Variants in FGF7 observed in about 807,000 individuals in gnomAD.
FGF7 encodes FGF-7.
In FGF7, 6 loss-of-function variants were observed where a neutral mutation model predicts 20.5. That is an observed-to-expected ratio of 0.29 (90% CI 0.16 to 0.58). The LOEUF (loss-of-function observed/expected upper bound fraction) is 0.58, where lower values mean the gene tolerates loss of function less well. Among genes scored for constraint, FGF7 ranks in the 20% least tolerant of loss-of-function variants. The pLI is 0.90. For missense variants in FGF7, 144 were observed against 228.8 expected, an observed-to-expected ratio of 0.63 and a Z score of 2.39; for synonymous variants, 64 against 74.7, an observed-to-expected ratio of 0.86 and a Z score of 0.74.
At chr15:49,480,180 A>G (rs1410046856) in intron 2 of FGF7, among the ~76,000 whole-genome samples, 8 of 152,226 alleles carry the variant, frequency 5.3e-5, no homozygotes, top group Admixed American at 4.6e-4. Context: ...TAAATATGTC[A>G]AGCAATTAAG....
chr15:49,465,621 C>G (rs2054202306), intron 2 of FGF7, among the ~76,000 whole-genome samples: 1 of 151,962 alleles, frequency 6.6e-6, no homozygotes. Context: ...ATTGAAAAAC[C>G]AGAGATATTT....
rs1171909235 is a variant in FGF7 at position 49,424,544 on chromosome 15, G to A, written c.247G>A (p.Gly83Ser). ...GTGGTACCTGAGGATCGATAAAAGA[G>A]GCAAAGTAAAAGGGACCCAAGAGAT... ...TQWYLRIDKR[G>S]KVKGTQEMKN... The change falls in exon 2 of 4, where the codon GGC becomes AGC. Residue 83 changes from glycine to serine, a missense_variant. Around this residue, in one of 2 missense-constraint regions of FGF7, gnomAD observed 88 missense variants for 103.4 expected, o/e 0.85. Coordinates refer to ENST00000267843, the MANE Select transcript of FGF7 (RefSeq NM_002009.4). The A allele has an allele frequency of 6.2e-7, 1 of 1,604,850 alleles. No homozygotes were observed. Among genetic ancestry groups the A allele is most frequent in the Admixed American group, 1.7e-5 (1 of 59,322 alleles).
chr15:49,470,877 C>T (rs1164118585), intron 2 of FGF7, among the ~76,000 whole-genome samples: 2 of 152,134 alleles, frequency 1.3e-5, no homozygotes, highest in Non-Finnish European at 2.9e-5. Flanking sequence ...AGAAATACAT[C>T]CAAGAACTCA....
At chr15:49,460,495 T>C (rs2053692218) in intron 2 of FGF7, among the ~76,000 whole-genome samples, 1 of 152,186 alleles carries the variant, frequency 6.6e-6, no homozygotes, top group South Asian at 2.1e-4. Context: ...GTACCAGGAT[T>C]CTTTTTGAAG....
intron 2 of FGF7, among the ~76,000 whole-genome samples, chr15:49,442,598 A>G (rs2051771537): frequency 6.6e-6 from 1 of 151,592 alleles, no homozygotes; most frequent in African/African-American, 2.4e-5. Context: ...CTCCCATCTC[A>G]GCATTAGAAT....
chr15:49,480,257 C>T (rs2055808621), intron 2 of FGF7, among the ~76,000 whole-genome samples: 1 of 151,886 alleles, frequency 6.6e-6, no homozygotes, highest in Non-Finnish European at 1.5e-5. Context: ...TATCCTTAAC[C>T]CTAATATGTG....
At chr15:49,469,510 A>G (rs2054548618) in intron 2 of FGF7, among the ~76,000 whole-genome samples, 1 of 152,124 alleles carries the variant, frequency 6.6e-6, no homozygotes, top group South Asian at 2.1e-4. Context: ...TCCCTTTCTT[A>G]GAGTCAGAAC....
At chr15:49,426,167 C>T (rs967600273) in intron 2 of FGF7, among the ~76,000 whole-genome samples, 2 of 151,744 alleles carry the variant, frequency 1.3e-5, no homozygotes, top group Non-Finnish European at 2.9e-5. Flanking sequence ...CTTTGTTTTT[C>T]TGACCCTCAA....
chr15:49,443,668 A>G (rs1214629807), intron 2 of FGF7, among the ~76,000 whole-genome samples: 2 of 151,786 alleles, frequency 1.3e-5, no homozygotes, highest in African/African-American at 4.8e-5. Flanking sequence ...TGAAGTTCCA[A>G]TATACATCTT....
At chr15:49,475,805 T>C (rs919949118) in intron 2 of FGF7, among the ~76,000 whole-genome samples, 2 of 152,082 alleles carry the variant, frequency 1.3e-5, no homozygotes, top group Non-Finnish European at 2.9e-5. Context: ...CTGGCCAACA[T>C]GGCAAAACCG....
intron 2 of FGF7, among the ~76,000 whole-genome samples, chr15:49,446,510 A>G (rs1179653655): frequency 6.6e-6 from 1 of 151,600 alleles, no homozygotes; most frequent in African/African-American, 2.4e-5. Context: ...CTAAGGAGGT[A>G]AAGAACTGGG....
At position 49,483,185 on chromosome 15, in the gene FGF7, T is replaced by C. The variant is rs1207052436; in HGVS notation, c.321T>C (p.Ile107=). 17 of 1,590,268 alleles carry C rather than the reference T, an allele frequency of 1.1e-5. No individual in the cohort carries two copies. Among genetic ancestry groups the C allele is most frequent in the Non-Finnish European group, 1.4e-5 (17 of 1,174,420 alleles). The change falls in exon 3 of 4, where the codon ATT becomes ATC. Residue 107 remains isoleucine (I), a synonymous_variant. Coordinates refer to ENST00000267843, the MANE Select transcript of FGF7 (RefSeq NM_002009.4). The part of the protein sequence containing the change: ...IMEIRTVAVG[I]VAIKGVESEF... ...AAATCAGGACAGTGGCAGTTGGAATTGTGGCAATCAAAGGGGTGGAAAGTG... is the reference window on the plus strand; with the variant it reads ...AAATCAGGACAGTGGCAGTTGGAATCGTGGCAATCAAAGGGGTGGAAAGTG...
chr15:49,438,755 A>C (rs2051338268), intron 2 of FGF7, among the ~76,000 whole-genome samples: 1 of 151,666 alleles, frequency 6.6e-6, no homozygotes, highest in Non-Finnish European at 1.5e-5. Flanking sequence ...TTTGTTTTAT[A>C]AATATAAATT....
At chr15:49,473,620 A>G (rs147362421) in intron 2 of FGF7, among the ~76,000 whole-genome samples, 1,628 of 152,258 alleles carry the variant, frequency 0.011, 33 homozygotes, top group African/African-American at 0.034. Context: ...TCTCTACCCC[A>G]GCAATATTTT....
At chr15:49,456,043 G>A (rs1330127575) in intron 2 of FGF7, among the ~76,000 whole-genome samples, 4 of 151,978 alleles carry the variant, frequency 2.6e-5, no homozygotes, top group South Asian at 2.1e-4. Flanking sequence ...TAATGTGACC[G>A]CATATTGGTG....
chr15:49,444,553 G>A (rs1200706902), intron 2 of FGF7, among the ~76,000 whole-genome samples: 1 of 151,578 alleles, frequency 6.6e-6, no homozygotes, highest in Non-Finnish European at 1.5e-5. Context: ...CAGTTAAAAC[G>A]TTATGTGTGT....
chr15:49,431,722 A>G (rs1390911789), intron 2 of FGF7, among the ~76,000 whole-genome samples: 1 of 151,794 alleles, frequency 6.6e-6, no homozygotes, highest in Non-Finnish European at 1.5e-5. Context: ...AGAGCAAAAG[A>G]GAAAAGGAAA....
intron 2 of FGF7, among the ~76,000 whole-genome samples, chr15:49,428,667 A>G (rs893667552): frequency 3.3e-5 from 5 of 151,988 alleles, no homozygotes; most frequent in African/African-American, 9.7e-5. Flanking sequence ...ACAGAATCCA[A>G]TCCCTCAGGA....
At chr15:49,472,867 T>C (rs1257858118) in intron 2 of FGF7, among the ~76,000 whole-genome samples, 1 of 152,152 alleles carries the variant, frequency 6.6e-6, no homozygotes. Context: ...TTTCCCAAAT[T>C]TGCTAATGAC....
Sources: allele counts gnomAD v4.1 joint callset (sites outside exome capture counted in the v4.1 genomes callset), GRCh38; gene constraint gnomAD v4.1.1; regional missense constraint gnomAD v4.1.1; transcripts MANE v1.5; gene names NCBI Gene and HGNC (gene_info 2026-07-23, HGNC 2026-07-21).